The following RIPOR2 variants were observed in gnomAD, a reference collection of about 807,000 sequenced individuals.
RIPOR2 encodes RHO family interacting cell polarization regulator 2, also known as rho family-interacting cell polarization regulator 2.
Under a neutral mutation model 114.5 loss-of-function variants are expected in RIPOR2, and 39 were observed. The ratio of observed to expected loss-of-function variants is 0.34; its 90% CI spans 0.26 to 0.44. The LOEUF (loss-of-function observed/expected upper bound fraction) is 0.44, where lower values mean the gene tolerates loss of function less well. Among genes scored for constraint, RIPOR2 ranks in the 20% least tolerant of loss-of-function variants. The probability of loss-of-function intolerance (pLI) is 1.00; values close to 1 mark genes in which losing one functional copy is unlikely to be tolerated. For missense variants in RIPOR2, 1,007 were observed against 1,255.1 expected, an observed-to-expected ratio of 0.80 and a Z score of 2.99; for synonymous variants, 445 against 484.4, an observed-to-expected ratio of 0.92 and a Z score of 1.07.
chr6:24,857,947 G>A (rs796544481), intron 8 of RIPOR2, among the ~76,000 whole-genome samples: 3 of 152,100 alleles, frequency 2.0e-5, no homozygotes, highest in Admixed American at 6.6e-5. Flanking sequence ...GAACAATCAC[G>A]TCAGCCACAC....
At position 24,861,056 on chromosome 6, in the gene RIPOR2, C is replaced by T. The variant is rs371815411; in HGVS notation, c.652-20G>A. ...CATATTCTGCAAAGAGGACAGGAGA[C>T]GATCATGAGAGCTAGCCTTTCACCC... is the stretch of plus-strand genomic sequence containing the variant. On this transcript the variant is annotated intron_variant, in intron 7 of 21. Coordinates refer to ENST00000643898, the MANE Select transcript of RIPOR2 (RefSeq NM_001286445.3). 8.1e-5 allele frequency: 129 copies of T among 1,583,272 alleles called. No homozygotes were observed. In the African/African-American group the frequency reaches 1.1e-3, roughly 13 times the overall value.
At chr6:24,904,338 C>T (rs1020507927) in intron 1 of RIPOR2, among the ~76,000 whole-genome samples, 3 of 152,208 alleles carry the variant, frequency 2.0e-5, no homozygotes, top group Non-Finnish European at 2.9e-5. Flanking sequence ...CATTCCTTCC[C>T]TTGTGGGTCC....
intron 16 of RIPOR2, among the ~76,000 whole-genome samples, chr6:24,831,348 G>T (rs1275783520): frequency 6.6e-6 from 1 of 152,218 alleles, no homozygotes; most frequent in African/African-American, 2.4e-5. Context: ...CAAACTGGAG[G>T]AGAGTTTCCT....
chr6:24,931,200 T>G (rs955339013), intron 1 of RIPOR2, among the ~76,000 whole-genome samples: 7 of 152,218 alleles, frequency 4.6e-5, no homozygotes, highest in Non-Finnish European at 8.8e-5. Flanking sequence ...CATAATTATT[T>G]ACCTATTAAA....
chr6:25,037,903 G>A lies in RIPOR2; in HGVS notation c.76+3948C>T, dbSNP rs568296549. ...ACCTGGGGAGATTTGAATATGGTCC[G>A]GGTATTAAATAATATGTGGGGATCA... On this transcript the variant is annotated intron_variant, in intron 1 of 13. Coordinates refer to the RIPOR2 transcript ENST00000510784. This position sits in a 1 kb window ranked among gnomAD's most constrained non-coding sequence, Gnocchi z 4.5. Among the ~76,000 whole-genome samples the A allele has an allele frequency of 2.0e-5, 3 of 152,128 alleles. No individual in the cohort carries two copies. Among genetic ancestry groups the A allele is most frequent in the Non-Finnish European group, 4.4e-5 (3 of 67,964 alleles).
At chr6:24,829,245 C>T (rs1760457560) in intron 17 of RIPOR2, among the ~76,000 whole-genome samples, 1 of 151,964 alleles carries the variant, frequency 6.6e-6, no homozygotes, top group Non-Finnish European at 1.5e-5. Flanking sequence ...ACCTGGGAGG[C>T]GAAGGTTGCA....
chr6:24,846,036 T>A (rs919322592), intron 12 of RIPOR2, among the ~76,000 whole-genome samples: 2 of 152,130 alleles, frequency 1.3e-5, no homozygotes, highest in Non-Finnish European at 2.9e-5. Flanking sequence ...TCTAAAAGGT[T>A]TTATCAGGAA....
At chr6:25,008,046 T>A (rs1775628920) in intron 1 of RIPOR2, among the ~76,000 whole-genome samples, 1 of 152,174 alleles carries the variant, frequency 6.6e-6, no homozygotes, top group Non-Finnish European at 1.5e-5. Context: ...ATTTTAAAAC[T>A]ATTTTTATTA....
intron 1 of RIPOR2, among the ~76,000 whole-genome samples, chr6:24,955,445 C>T (rs963467290): frequency 2.0e-5 from 3 of 152,120 alleles, no homozygotes; most frequent in Non-Finnish European, 4.4e-5. Flanking sequence ...TTTTAAAACA[C>T]AGTAGGCCCC....
intron 1 of RIPOR2, among the ~76,000 whole-genome samples, chr6:24,943,412 A>G (rs1626799): frequency 1.3e-5 from 2 of 152,154 alleles, no homozygotes; most frequent in Non-Finnish European, 2.9e-5. Context: ...TATTGGGTGC[A>G]GCACACCAAC....
At chr6:24,965,113 C>T (rs2114228191) in intron 1 of RIPOR2, among the ~76,000 whole-genome samples, 1 of 150,764 alleles carries the variant, frequency 6.6e-6, no homozygotes, top group East Asian at 2.0e-4. Flanking sequence ...ATTTCTTTGT[C>T]TCTCTGAGCT....
intron 1 of RIPOR2, among the ~76,000 whole-genome samples, chr6:24,945,226 CA>C (rs930479903): frequency 1.3e-5 from 2 of 151,700 alleles, no homozygotes; most frequent in African/African-American, 4.8e-5. Context: ...AAAATAAAAA[CA>C]AAAAAACTGT....
At chr6:24,861,084 C>T (rs1165617727) in intron 7 of RIPOR2, 48 bp from the exon 8 acceptor site, 4 of 1,326,440 alleles carry the variant, frequency 3.0e-6, no homozygotes, top group South Asian at 2.4e-5. Flanking sequence ...TTTCACCCAA[C>T]AGCTCAAAGC....
At chr6:24,960,041 A>G (rs761889292) in intron 1 of RIPOR2, among the ~76,000 whole-genome samples, 21 of 152,256 alleles carry the variant, frequency 1.4e-4, no homozygotes, top group Middle Eastern at 3.4e-3. Context: ...GTTCAGGGAG[A>G]AAAAAGGTTG....
intron 1 of RIPOR2, among the ~76,000 whole-genome samples, chr6:24,987,708 T>C (rs540780499): frequency 4.5e-4 from 69 of 152,308 alleles, no homozygotes; most frequent in Non-Finnish European, 8.7e-4. Context: ...CCTGATTGTG[T>C]CCCTATGTAT....
chr6:25,023,380 G>T, intron 1 of RIPOR2: 1 of 780,180 alleles, frequency 1.3e-6, no homozygotes, highest in Admixed American at 1.7e-5. Flanking sequence ...CCGGCTCCTC[G>T]TTGTAGGGAG....
chr6:24,946,806 T>C (rs965698077), intron 1 of RIPOR2, among the ~76,000 whole-genome samples: 2 of 152,190 alleles, frequency 1.3e-5, no homozygotes, highest in Non-Finnish European at 2.9e-5. Context: ...TCCTGACGTA[T>C]TTCTTTTTGG....
chr6:24,839,371 T>G, intron 13 of RIPOR2, 99 bp from the exon 14 acceptor site: 1 of 1,445,616 alleles, frequency 6.9e-7, no homozygotes, highest in South Asian at 1.5e-5. Context: ...TTTTTTTTGT[T>G]TCAAGTTTTT....
At chr6:24,998,216 C>T (rs1775133969) in intron 1 of RIPOR2, among the ~76,000 whole-genome samples, 1 of 152,088 alleles carries the variant, frequency 6.6e-6, no homozygotes, top group African/African-American at 2.4e-5. Context: ...GTCTCCTCTG[C>T]AATTTATACT....
Sources: allele counts gnomAD v4.1 joint callset (sites outside exome capture counted in the v4.1 genomes callset), GRCh38; gene constraint gnomAD v4.1.1; non-coding constraint Gnocchi (gnomAD v3.1); transcripts MANE v1.5; gene names NCBI Gene and HGNC (gene_info 2026-07-23, HGNC 2026-07-21).